PDE4D: variants seen among roughly 807,000 people sequenced by gnomAD.
PDE4D encodes 3',5'-cyclic-AMP phosphodiesterase 4D.
Under a neutral mutation model 87.4 loss-of-function variants are expected in PDE4D, and 24 were observed. That is an observed-to-expected ratio of 0.27 (90% CI 0.20 to 0.39). The LOEUF (loss-of-function observed/expected upper bound fraction) is 0.39, where lower values mean the gene tolerates loss of function less well. PDE4D is among the 10% of genes least tolerant of loss of function. The probability of loss-of-function intolerance (pLI) is 1.00; values close to 1 mark genes in which losing one functional copy is unlikely to be tolerated. For missense variants in PDE4D, 714 were observed against 1,041.0 expected, an observed-to-expected ratio of 0.69 and a Z score of 4.32; for synonymous variants, 384 against 383.2, an observed-to-expected ratio of 1.00 and a Z score of -0.02.
intron 1 of PDE4D, among the ~76,000 whole-genome samples, chr5:60,464,689 G>A (rs1035661740): frequency 2.0e-5 from 3 of 152,128 alleles, no homozygotes; most frequent in South Asian, 2.1e-4. Flanking sequence ...TCAACATAGC[G>A]TGATAGTGGT....
intron 5 of PDE4D, among the ~76,000 whole-genome samples, chr5:59,078,006 G>A (rs76373454): frequency 6.6e-6 from 1 of 152,246 alleles, no homozygotes; most frequent in Non-Finnish European, 1.5e-5. Flanking sequence ...GTCAAATTTG[G>A]TGAATATTCT....
intron 2 of PDE4D, among the ~76,000 whole-genome samples, chr5:60,153,508 T>C (rs1244723958): frequency 6.6e-6 from 1 of 152,208 alleles, no homozygotes; most frequent in Non-Finnish European, 1.5e-5. Context: ...GATCTGGAAT[T>C]TCTACTTCGG....
At chr5:60,459,620 C>T (rs1291888959) in intron 1 of PDE4D, among the ~76,000 whole-genome samples, 1 of 152,020 alleles carries the variant, frequency 6.6e-6, no homozygotes, top group Non-Finnish European at 1.5e-5. Context: ...GTGTTGATTC[C>T]ATACAGTTTT....
intron 1 of PDE4D, among the ~76,000 whole-genome samples, chr5:60,508,130 G>T (rs1056877202): frequency 6.6e-6 from 1 of 152,176 alleles, no homozygotes; most frequent in Non-Finnish European, 1.5e-5. Flanking sequence ...CTAAGATAAT[G>T]TCAACCTTCA....
intron 1 of PDE4D, among the ~76,000 whole-genome samples, chr5:59,536,335 C>G (rs1815228335): frequency 6.6e-6 from 1 of 151,560 alleles, no homozygotes; most frequent in Non-Finnish European, 1.5e-5. Flanking sequence ...GAAACCCTGT[C>G]TCTACTAAAA....
intron 1 of PDE4D, among the ~76,000 whole-genome samples, chr5:60,283,997 C>T (rs915476219): frequency 9.2e-5 from 14 of 151,982 alleles, no homozygotes; most frequent in Middle Eastern, 3.4e-3. Context: ...CATTAAAATA[C>T]GCAGAATCAT....
chr5:60,511,162 G>T (rs1011881777), intron 1 of PDE4D, among the ~76,000 whole-genome samples: 2 of 152,062 alleles, frequency 1.3e-5, no homozygotes, highest in East Asian at 3.9e-4. Flanking sequence ...TAGAGACGAT[G>T]CTTTGCTATG....
At chr5:59,883,168 AG>A (rs1480864238) in intron 1 of PDE4D, among the ~76,000 whole-genome samples, 4 of 152,252 alleles carry the variant, frequency 2.6e-5, no homozygotes, top group Admixed American at 2.0e-4. Context: ...CTTGAGAATT[AG>A]GTTGGGCTTG....
At chr5:60,216,663 T>C (rs1035401915) in intron 1 of PDE4D, among the ~76,000 whole-genome samples, 33 of 151,774 alleles carry the variant, frequency 2.2e-4, no homozygotes, top group African/African-American at 7.7e-4. Context: ...TAAGACAAAA[T>C]AAACTTTAAA....
At chr5:59,445,764 C>A (rs933073085) in intron 1 of PDE4D, among the ~76,000 whole-genome samples, 5 of 152,050 alleles carry the variant, frequency 3.3e-5, no homozygotes, top group African/African-American at 9.7e-5. Flanking sequence ...TATTTATTTA[C>A]CTACCTATAT....
At chr5:59,936,048 G>T (rs1432285296) in intron 3 of PDE4D, among the ~76,000 whole-genome samples, 1 of 152,130 alleles carries the variant, frequency 6.6e-6, no homozygotes, top group Admixed American at 6.5e-5. Flanking sequence ...TTCCATGATG[G>T]TTGAACTAGT....
exon 1 of PDE4D, chr5:60,522,054 A>C (rs1265090992): frequency 6.6e-6 from 1 of 152,102 alleles, no homozygotes; most frequent in Non-Finnish European, 1.5e-5. Flanking sequence ...AACTTACTTT[A>C]TCCCCATTGG....
intron 1 of PDE4D, among the ~76,000 whole-genome samples, chr5:59,264,980 C>T (rs530375868): frequency 4.1e-4 from 62 of 152,078 alleles, no homozygotes; most frequent in Non-Finnish European, 7.8e-4. Context: ...GAGTCCTTCT[C>T]AGTCTGGTCT....
intron 2 of PDE4D, among the ~76,000 whole-genome samples, chr5:60,144,158 T>C (rs1780798701): frequency 6.6e-6 from 1 of 152,162 alleles, no homozygotes; most frequent in South Asian, 2.1e-4. Flanking sequence ...AAGATAAGGC[T>C]TTTGGTCACA....
intron 1 of PDE4D, among the ~76,000 whole-genome samples, chr5:59,847,081 A>G (rs1241948349): frequency 6.6e-6 from 1 of 152,002 alleles, no homozygotes; most frequent in African/African-American, 2.4e-5. Flanking sequence ...TCCATGGGTG[A>G]GAGATGGAAG....
chr5:60,215,240 C>T (rs1160036626), intron 1 of PDE4D, among the ~76,000 whole-genome samples: 19 of 152,028 alleles, frequency 1.2e-4, no homozygotes, highest in Admixed American at 1.2e-3. Flanking sequence ...GGTATATACA[C>T]AACAAGAACA....
Position 59,670,531 on chromosome 5 carries a change from C to T in PDE4D, c.455+222637G>A, listed in dbSNP as rs1005240881. Among the ~76,000 whole-genome samples the T allele has an allele frequency of 1.4e-4, 22 of 152,006 alleles. 1 individual carries two copies. Among genetic ancestry groups the T allele is most frequent in the South Asian group, 6.2e-4 (3 of 4,816 alleles). On this transcript the variant is annotated intron_variant, in intron 1 of 14. Transcript: ENST00000340635. ...TCAGCCTATGTTTATAAGGTATATA[C>T]GAAACATAAATAAATTTTGTGTTTA...
chr5:60,457,160 G>A (rs575136487), intron 1 of PDE4D, among the ~76,000 whole-genome samples: 1 of 152,266 alleles, frequency 6.6e-6, no homozygotes, highest in African/African-American at 2.4e-5. Context: ...TAAAAGAGAC[G>A]AGACTTGTCC....
At chr5:60,050,227 G>A (rs1329146998) in intron 2 of PDE4D, among the ~76,000 whole-genome samples, 9 of 152,228 alleles carry the variant, frequency 5.9e-5, no homozygotes, top group African/African-American at 1.2e-4. Flanking sequence ...TTCGGCTCGC[G>A]CATGGTGCAT....
Sources: gnomAD v4.1 joint callset for allele counts (sites outside exome capture counted in the v4.1 genomes callset) on GRCh38, gnomAD v4.1.1 for gene constraint, MANE v1.5 for transcripts, NCBI Gene and HGNC (gene_info 2026-07-23, HGNC 2026-07-21) for gene names.